The following DAAM2 variants were observed in gnomAD, a reference collection of about 807,000 sequenced individuals.
The protein encoded by DAAM2 is disheveled-associated activator of morphogenesis 2.
A neutral mutation model predicts 120.7 loss-of-function variants in DAAM2; 39 were observed. The ratio of observed to expected loss-of-function variants is 0.32; its 90% CI spans 0.25 to 0.42. The LOEUF (loss-of-function observed/expected upper bound fraction) is 0.42. Ranked by LOEUF, DAAM2 falls within the 10% of genes least tolerant of loss-of-function variation. The pLI is 1.00. For missense variants in DAAM2, 1,283 were observed against 1,401.7 expected, an observed-to-expected ratio of 0.92 and a Z score of 1.35; for synonymous variants, 488 against 524.9, an observed-to-expected ratio of 0.93 and a Z score of 0.96.
chr6:39,830,578 G>A (rs1420128472), intron 1 of DAAM2, among the ~76,000 whole-genome samples: 2 of 152,180 alleles, frequency 1.3e-5, no homozygotes, highest in Non-Finnish European at 2.9e-5. Flanking sequence ...GCCAGCAGGA[G>A]AGAGGGCCGC....
intron 9 of DAAM2, 87 bp downstream of exon 9, chr6:39,871,659 G>T (rs1764668491): frequency 1.2e-5 from 16 of 1,284,662 alleles, no homozygotes; most frequent in Non-Finnish European, 1.7e-5. Context: ...CCCGTGTTGT[G>T]GCAGGGCTGG....
intron 1 of DAAM2, among the ~76,000 whole-genome samples, chr6:39,834,461 C>G (rs534578059): frequency 6.6e-6 from 1 of 152,094 alleles, no homozygotes; most frequent in Non-Finnish European, 1.5e-5. Context: ...TCCTGTTCGC[C>G]GAGCCTGGTA....
intron 3 of DAAM2, 44 bp from the exon 4 acceptor site, chr6:39,864,389 C>T: frequency 6.7e-7 from 1 of 1,495,202 alleles, no homozygotes; most frequent in Non-Finnish European, 9.3e-7. Flanking sequence ...AGGCCACGGG[C>T]CTGTCTTGCC....
Position 39,807,183 on chromosome 6 carries a change from C to T in DAAM2, c.-57+14718C>T, listed in dbSNP as rs375208483. Among the ~76,000 whole-genome samples the T allele has an allele frequency of 5.0e-3, 639 of 128,706 alleles. 5 individuals carry two copies. Among genetic ancestry groups the T allele is most frequent in the African/African-American group, 0.018 (524 of 29,224 alleles). The allele number at this position is 128,706 out of a possible 152,430, so 84.4% of individuals were successfully genotyped here. A position where few individuals can be genotyped will look rare whatever the true frequency, so the allele number is the denominator to read the frequency against. Reference sequence around the variant, plus strand: ...ATACTTACGGTGGAATACTATAGAACACAGCAAAAAAAAAAAAAAGGGTGC... The same window carrying T: ...ATACTTACGGTGGAATACTATAGAATACAGCAAAAAAAAAAAAAAGGGTGC... On this transcript the variant is annotated intron_variant, in intron 1 of 24. Transcript: ENST00000274867.
intron 1 of DAAM2, among the ~76,000 whole-genome samples, chr6:39,852,033 G>T (rs141512110): frequency 1.3e-5 from 2 of 152,326 alleles, no homozygotes; most frequent in African/African-American, 4.8e-5. Context: ...GTTGGTCTGT[G>T]CTTGGGGACT....
chr6:39,903,797 G>C lies in DAAM2; in HGVS notation c.*1760G>C. The C allele has an allele frequency of 5.2e-6, 1 of 192,598 alleles. No homozygotes were observed. The highest frequency in any genetic ancestry group is 1.3e-4 in the East Asian group (1 of 7,782). The allele number at this position is 192,598 out of a possible 1,614,324, so 11.9% of individuals were successfully genotyped here. A position where few individuals can be genotyped will look rare whatever the true frequency, so the allele number is the denominator to read the frequency against. On this transcript the variant is annotated 3_prime_UTR_variant, in exon 25 of 25. Transcript: ENST00000274867. ...GTGAGCCCAGCATGTGCGTTGGTTT[G>C]AGGGGGCGGGCGGTGTGTGTGTGTT...
At chr6:39,882,623 T>G (rs1442188985) in intron 14 of DAAM2, among the ~76,000 whole-genome samples, 1 of 151,776 alleles carries the variant, frequency 6.6e-6, no homozygotes, top group African/African-American at 2.4e-5. Context: ...CCTTCTCATC[T>G]CTCTGCCTCC....
chr6:39,868,129 T>C, intron 6 of DAAM2: 1 of 425,556 alleles, frequency 2.3e-6, no homozygotes, highest in South Asian at 3.0e-5. Flanking sequence ...TGCATTATTT[T>C]TGTGGCTCTG....
chr6:39,901,717 T>A lies in DAAM2; in HGVS notation c.2983-96T>A. On this transcript the variant is annotated intron_variant, in intron 24 of 24. Transcript: ENST00000274867. The surrounding 1 kb of genome is among the most constrained non-coding windows in gnomAD (Gnocchi z 4.5). ...GGCCAACAGATACAGGCAGGCAGCA[T>A]GACCATGGCCTAGGAGTTAGCCCAG... 8.3e-7 allele frequency: 1 copy of A among 1,206,982 alleles called. No homozygotes were observed. The highest frequency in any genetic ancestry group is 1.1e-6 in the Non-Finnish European group (1 of 888,468). The allele number at this position is 1,206,982 out of a possible 1,614,324, so 74.8% of individuals were successfully genotyped here.
chr6:39,810,337 A>T (rs1762125581), intron 1 of DAAM2, among the ~76,000 whole-genome samples: 1 of 152,260 alleles, frequency 6.6e-6, no homozygotes, highest in South Asian at 2.1e-4. Flanking sequence ...CAGCAGGCTG[A>T]TTCTAAAATC....
chr6:39,870,415 C>A lies in DAAM2; in HGVS notation c.949C>A (p.Arg317=). The part of the protein sequence containing the change: ...LGIQPVIDKL[R]QHENAILDKH... ...TATACAGCCTGTGATTGACAAGCTC[C>A]GGCAACATGAAAATGCCATCCTGGA... Residue 317 remains arginine (R), a synonymous_variant, in exon 8 of 25, where the codon CGG becomes AGG. Transcript: ENST00000274867. The A allele has an allele frequency of 6.3e-7, 1 of 1,583,350 alleles. No individual in the cohort carries two copies. Among genetic ancestry groups the A allele is most frequent in the East Asian group, 2.3e-5 (1 of 43,730 alleles).
At chr6:39,818,197 A>C (rs936271108) in intron 1 of DAAM2, among the ~76,000 whole-genome samples, 4 of 147,278 alleles carry the variant, frequency 2.7e-5, no homozygotes, top group African/African-American at 5.3e-5. Context: ...AAAAAAAAAA[A>C]AAAAAAAAAC....
chr6:39,798,965 A>G (rs1171852162), intron 1 of DAAM2, among the ~76,000 whole-genome samples: 2 of 152,188 alleles, frequency 1.3e-5, no homozygotes, highest in African/African-American at 2.4e-5. Context: ...TGCATTGTAG[A>G]ATCGACGCCT....
chr6:39,834,590 T>C (rs764436421), intron 1 of DAAM2, among the ~76,000 whole-genome samples: 4 of 152,048 alleles, frequency 2.6e-5, no homozygotes, highest in Non-Finnish European at 4.4e-5. Context: ...TGCACTGGAG[T>C]TGAAAGGCGA....
chr6:39,893,687 C>A lies in DAAM2; in HGVS notation c.2341+1965C>A, dbSNP rs201804173. On this transcript the variant is annotated intron_variant, in intron 19 of 24. Transcript: ENST00000274867. The stretch of plus-strand genomic sequence containing the variant: ...TGCTCTGTATAGCAATGGCTGCTGT[C>A]CTTGTATAGACCAGACATAAGTCTC... 9.9e-5 allele frequency among the ~76,000 whole-genome samples: 15 copies of A among 152,262 alleles called. No individual in the cohort carries two copies. The East Asian group carries it at 2.1e-3, about 22-fold the overall frequency.
intron 7 of DAAM2, among the ~76,000 whole-genome samples, chr6:39,869,414 G>A (rs527431708): frequency 2.0e-5 from 3 of 152,086 alleles, no homozygotes; most frequent in African/African-American, 4.8e-5. Context: ...GTGAAGCCCC[G>A]TCTCCACTAA....
intron 1 of DAAM2, among the ~76,000 whole-genome samples, chr6:39,798,475 G>T (rs562105904): frequency 6.6e-6 from 1 of 152,272 alleles, no homozygotes; most frequent in South Asian, 2.1e-4. Flanking sequence ...AAGGGATGAA[G>T]TAGGAAAAAA....
chr6:39,793,890 A>T (rs955440553), intron 1 of DAAM2, among the ~76,000 whole-genome samples: 2 of 152,138 alleles, frequency 1.3e-5, no homozygotes, highest in Admixed American at 1.3e-4. Context: ...TTTGCAGTAG[A>T]GCCAACCTAC....
chr6:39,819,525 T>C (rs1027613226), intron 1 of DAAM2: 5 of 152,166 alleles, frequency 3.3e-5, no homozygotes, highest in Non-Finnish European at 7.3e-5. Flanking sequence ...AGAATTACTA[T>C]CATGAGCTGC....
Sources: gnomAD v4.1 joint callset for allele counts (sites outside exome capture counted in the v4.1 genomes callset) on GRCh38, gnomAD v4.1.1 for gene constraint, Gnocchi (gnomAD v3.1) non-coding constraint, MANE v1.5 for transcripts, NCBI Gene and HGNC (gene_info 2026-07-23, HGNC 2026-07-21) for gene names.